The following KALRN variants were observed in gnomAD, a reference collection of about 807,000 sequenced individuals.
KALRN encodes the protein kalirin RhoGEF kinase, also known as kalirin.
Under a neutral mutation model 353.7 loss-of-function variants are expected in KALRN, and 70 were observed. The observed-to-expected ratio is 0.20, with a 90% CI of 0.16 to 0.24. The LOEUF is 0.24. Ranked by LOEUF, KALRN falls within the 10% of genes least tolerant of loss-of-function variation. KALRN has a pLI of 1.00. For missense variants in KALRN, 2,791 were observed against 3,756.7 expected (o/e 0.74, Z 6.72); for synonymous variants, 1,391 against 1,434.8 (o/e 0.97, Z 0.69).
At chr3:124,604,930 C>T (rs1195130310) in intron 34 of KALRN, among the ~76,000 whole-genome samples, 1 of 151,700 alleles carries the variant, frequency 6.6e-6, no homozygotes, top group East Asian at 1.9e-4. Context: ...CCAAGGTGTG[C>T]AGATTGCCTA....
chr3:124,544,905 G>T (rs897181570), intron 33 of KALRN, among the ~76,000 whole-genome samples: 2 of 152,226 alleles, frequency 1.3e-5, no homozygotes, highest in Admixed American at 6.5e-5. Context: ...GGAGGGTAGG[G>T]TGCTCTAGGC....
intron 23 of KALRN, among the ~76,000 whole-genome samples, chr3:124,457,833 GAAT>G (rs1462872369): frequency 1.3e-5 from 2 of 152,008 alleles, no homozygotes; most frequent in Non-Finnish European, 2.9e-5. Flanking sequence ...ACTACCCCTG[GAAT>G]AATGATAAAA....
intron 34 of KALRN, among the ~76,000 whole-genome samples, chr3:124,624,518 C>T (rs149133555): frequency 3.6e-3 from 543 of 152,290 alleles, no homozygotes; most frequent in Middle Eastern, 6.8e-3. Context: ...GATTACTGTA[C>T]TGTGATTAAA....
intron 59 of KALRN, 46 bp from the exon 60 acceptor site, chr3:124,718,879 G>A: frequency 3.2e-6 from 5 of 1,559,666 alleles, no homozygotes; most frequent in Non-Finnish European, 4.4e-6. Context: ...CAAAATAGAG[G>A]CCTAAACTTC....
intron 1 of KALRN, among the ~76,000 whole-genome samples, chr3:124,050,436 T>G (rs2040914302): frequency 6.6e-6 from 1 of 152,186 alleles, no homozygotes; most frequent in Admixed American, 6.5e-5. Flanking sequence ...TTTTCATCTG[T>G]TCACCACCAT....
At chr3:124,168,755 T>C (rs2071272797) in intron 1 of KALRN, among the ~76,000 whole-genome samples, 1 of 152,224 alleles carries the variant, frequency 6.6e-6, no homozygotes, top group Admixed American at 6.5e-5. Flanking sequence ...CCAAATGTGG[T>C]AACTACAGCC....
intron 53 of KALRN, among the ~76,000 whole-genome samples, chr3:124,695,109 G>T (rs1158597518): frequency 6.6e-6 from 1 of 152,168 alleles, no homozygotes; most frequent in East Asian, 1.9e-4. Flanking sequence ...CCTCACCTAA[G>T]AACAGTGTTA....
chr3:124,648,482 G>A (rs565769587), intron 37 of KALRN, among the ~76,000 whole-genome samples: 1 of 152,232 alleles, frequency 6.6e-6, no homozygotes, highest in African/African-American at 2.4e-5. Flanking sequence ...GTGGGCAGAG[G>A]TGTCTCCCTG....
intron 35 of KALRN, among the ~76,000 whole-genome samples, chr3:124,633,154 A>T (rs914474705): frequency 2.6e-5 from 4 of 152,244 alleles, no homozygotes; most frequent in Non-Finnish European, 5.9e-5. Context: ...ACTCCAGATA[A>T]CTATGATGAA....
At chr3:124,383,006 A>T (rs1042281524) in intron 10 of KALRN, among the ~76,000 whole-genome samples, 1 of 152,168 alleles carries the variant, frequency 6.6e-6, no homozygotes, top group Non-Finnish European at 1.5e-5. Flanking sequence ...TTTTTCCATG[A>T]ATTTCCCAGT....
In KALRN at chr3:124,720,090, T is replaced by C. The variant is rs958348956; in HGVS notation, c.*620T>C. On this transcript the variant is annotated 3_prime_UTR_variant, in exon 60 of 60. Transcript: ENST00000682506. The stretch of plus-strand genomic sequence containing the variant: ...ATTGTTTTGACTAAGCACAATTAGA[T>C]GACAAGTTTTTTTAGAGCATTTTAT... The C allele has an allele frequency of 1.3e-5, 2 of 152,656 alleles. No individual in the cohort carries two copies. Among genetic ancestry groups the C allele is most frequent in the African/African-American group, 4.8e-5 (2 of 41,448 alleles). 9.5% of individuals were successfully genotyped at this position (152,656 alleles called of 1,614,324 possible).
intron 37 of KALRN, among the ~76,000 whole-genome samples, chr3:124,643,686 C>G (rs941354082): frequency 6.6e-6 from 1 of 152,132 alleles, no homozygotes; most frequent in Non-Finnish European, 1.5e-5. Flanking sequence ...GATGAGGTCT[C>G]GCTTTGTTGC....
intron 33 of KALRN, among the ~76,000 whole-genome samples, chr3:124,555,414 AAAATAAAT>A (rs199686367): frequency 0.082 from 11,248 of 137,098 alleles, 794 homozygotes; most frequent in African/African-American, 0.19. Flanking sequence ...ACTCTGTCCC[AAAATAAAT>A]AAATAAATAA....
rs1276410701 is a variant in KALRN at position 124,724,389 on chromosome 3, G to C, written c.*4919G>C. On this transcript the variant is annotated 3_prime_UTR_variant, in exon 60 of 60. Coordinates refer to ENST00000682506, the MANE Select transcript of KALRN (RefSeq NM_001388419.1). ...CCTTTCTCTCCTGGGTCGCACCTCT[G>C]TGGAGTCTGGGTTAGACAAATGCAA... 6.6e-6 allele frequency: 1 copy of C among 152,078 alleles called. No homozygotes were observed. The highest frequency in any genetic ancestry group is 1.5e-5 in the Non-Finnish European group (1 of 68,012). 9.4% of individuals were successfully genotyped at this position (152,078 alleles called of 1,614,324 possible). A position where few individuals can be genotyped will look rare whatever the true frequency, so the allele number is the denominator to read the frequency against.
At chr3:124,371,000 G>A (rs191582446) in intron 10 of KALRN, among the ~76,000 whole-genome samples, 162 of 152,220 alleles carry the variant, frequency 1.1e-3, no homozygotes, top group Non-Finnish European at 1.8e-3. Flanking sequence ...TTCCTTTAGG[G>A]CATTGTCCCC....
chr3:124,539,868 C>T (rs962622596), intron 33 of KALRN, among the ~76,000 whole-genome samples: 7 of 151,044 alleles, frequency 4.6e-5, no homozygotes, highest in African/African-American at 1.5e-4. Flanking sequence ...CAACCTCAGC[C>T]TCCCCAGTAG....
chr3:124,052,268 A>G (rs2149156831), intron 1 of KALRN, among the ~76,000 whole-genome samples: 1 of 152,310 alleles, frequency 6.6e-6, no homozygotes, highest in African/African-American at 2.4e-5. Context: ...AGTGGCTTCA[A>G]ACAATTTTGG....
intron 10 of KALRN, among the ~76,000 whole-genome samples, chr3:124,359,201 T>C (rs1265773754): frequency 6.6e-6 from 1 of 152,236 alleles, no homozygotes; most frequent in Non-Finnish European, 1.5e-5. Context: ...ACTTTTGCCC[T>C]TCTCTGCCTG....
At chr3:124,540,448 A>T (rs1170909236) in intron 33 of KALRN, among the ~76,000 whole-genome samples, 2 of 152,084 alleles carry the variant, frequency 1.3e-5, no homozygotes, top group East Asian at 3.9e-4. Context: ...GGAGTTTTTT[A>T]GACATAATAT....
Sources: gnomAD v4.1 joint callset for allele counts (sites outside exome capture counted in the v4.1 genomes callset) on GRCh38, gnomAD v4.1.1 for gene constraint, MANE v1.5 for transcripts, NCBI Gene and HGNC (gene_info 2026-07-23, HGNC 2026-07-21) for gene names.